Variants in HOXD12 observed in about 807,000 individuals in gnomAD.
HOXD12 encodes the protein homeobox protein Hox-D12.
HOXD12 carries 21 observed loss-of-function variants against 20.2 expected under a neutral mutation model. The observed-to-expected ratio is 1.04, with a 90% CI of 0.74 to 1.50. The LOEUF is 1.50. HOXD12 is among the 40% of genes most tolerant of loss of function. The pLI, the probability that HOXD12 is intolerant of heterozygous loss-of-function variation, is 0.00. For missense variants in HOXD12, 472 were observed against 365.5 expected (o/e 1.29, Z -2.38); for synonymous variants, 196 against 168.8 (o/e 1.16, Z -1.25).
rs1482318409 is a variant in HOXD12, at chr2:176,101,069, TC to T, written c.*313del. 2.1e-6 allele frequency: 1 copy of T among 478,618 alleles called. No homozygotes were observed. The highest frequency in any genetic ancestry group is 3.8e-5 in the East Asian group (1 of 26,126). The allele number at this position is 478,618 out of a possible 1,614,324, so 29.6% of individuals were successfully genotyped here. ...ATTTGCACCCACCGCTCATTCTTGCTCCCCGGTACCTGGATTTTTCTGTTTC... is the reference window on the plus strand; with the variant it reads ...ATTTGCACCCACCGCTCATTCTTGCTCCCGGTACCTGGATTTTTCTGTTTC... On this transcript the variant is annotated 3_prime_UTR_variant, in exon 2 of 2. Transcript: ENST00000406506.
chr2:176,099,985 C>A lies in HOXD12; in HGVS notation c.184C>A (p.Gln62Lys). The A allele has an allele frequency of 6.4e-7, 1 of 1,573,504 alleles. No homozygotes were observed. Among genetic ancestry groups the A allele is most frequent in the East Asian group, 2.3e-5 (1 of 42,970 alleles). ...AATPASCAPA[Q>K]PAGATAFGGF... ...CACGCCCGCCTCCTGCGCCCCCGCG[C>A]AGCCTGCGGGCGCCACTGCCTTCGG... Residue 62 changes from glutamine to lysine, a missense_variant, in exon 1 of 2, where the codon CAG becomes AAG. By Grantham distance (53) the Gln-to-Lys change is moderately conservative. Coordinates refer to ENST00000406506, the MANE Select transcript of HOXD12 (RefSeq NM_021193.4).
In HOXD12 at chr2:176,102,096, T is replaced by G. The variant is rs775023931; in HGVS notation, c.*1336T>G. 6.6e-6 allele frequency among the ~76,000 whole-genome samples: 1 copy of G among 152,178 alleles called. No homozygotes were observed. The highest frequency in any genetic ancestry group is 1.5e-5 in the Non-Finnish European group (1 of 68,032). On this transcript the variant is annotated 3_prime_UTR_variant, in exon 2 of 2. Transcript: ENST00000406506. ...GAGTTGTTCTGGGTGTACTGGAGTG[T>G]CCCGCCTTAATCTCAGTGAACCAAG...
At position 176,100,750 on chromosome 2, in the gene HOXD12, C is replaced by A. The variant is rs757138560; in HGVS notation, c.803C>A (p.Ala268Glu). ...GTGGTGCTTCGGGAGCAGGCGCTGGCGCTCTACTAGCCGCGCGCGTGGCCA... is the reference window on the plus strand; with the variant it reads ...GTGGTGCTTCGGGAGCAGGCGCTGGAGCTCTACTAGCCGCGCGCGTGGCCA... Reference protein sequence around the residue: ...KRVVLREQALALY With the variant: ...KRVVLREQALELY Residue 268 changes from alanine (A) to glutamate (E), a missense_variant, in exon 2 of 2, where the codon GCG becomes GAG. Ala to Glu is a moderately radical substitution (Grantham distance 107, BLOSUM62 -1). Transcript: ENST00000406506. 1 of 1,611,662 alleles carries A rather than the reference C, an allele frequency of 6.2e-7. No individual in the cohort carries two copies. The highest frequency in any genetic ancestry group is 2.2e-5 in the East Asian group (1 of 44,834).
rs1457617506 is a variant in HOXD12, at chr2:176,101,405, GAT to G, written c.*648_*649del. ...GGCTGGGTAGTGGGGTAAACTTGGA[GAT>G]ATCTCGAAATGAGAAATGCGAAATA... On this transcript the variant is annotated 3_prime_UTR_variant, in exon 2 of 2. Transcript: ENST00000406506. Among the ~76,000 whole-genome samples the G allele has an allele frequency of 1.3e-5, 2 of 151,742 alleles. No individual in the cohort carries two copies. The highest frequency in any genetic ancestry group is 4.8e-5 in the African/African-American group (2 of 41,274).
chr2:176,100,770 T>C lies in HOXD12; in HGVS notation c.*10T>C. 1 of 1,597,552 alleles carries C rather than the reference T, an allele frequency of 6.3e-7. No homozygotes were observed. The highest frequency in any genetic ancestry group is 8.6e-7 in the Non-Finnish European group (1 of 1,166,388). On this transcript the variant is annotated 3_prime_UTR_variant, in exon 2 of 2. Transcript: ENST00000406506. Reference sequence around the variant, plus strand: ...GCTGGCGCTCTACTAGCCGCGCGCGTGGCCAGGGCCGGGTTGGATCTGCCC... The same window carrying C: ...GCTGGCGCTCTACTAGCCGCGCGCGCGGCCAGGGCCGGGTTGGATCTGCCC...
chr2:176,100,539 G>A lies in HOXD12; in HGVS notation c.592G>A (p.Ala198Thr). 1.2e-6 allele frequency: 2 copies of A among 1,606,778 alleles called. No homozygotes were observed. Among genetic ancestry groups the A allele is most frequent in the Non-Finnish European group, 1.7e-6 (2 of 1,176,654 alleles). Residue 198 changes from alanine to threonine, a missense_variant, in exon 2 of 2, where the codon GCC (alanine) becomes ACC (threonine). Coordinates refer to ENST00000406506, the MANE Select transcript of HOXD12 (RefSeq NM_021193.4). The part of the protein sequence containing the change: ...SLPDGLPWGA[A>T]PGRARKKRKP... ...TGTTGCAGGCCTGCCGTGGGGGGCG[G>A]CCCCGGGGAGGGCCCGCAAGAAGCG...
Position 176,100,698 on chromosome 2 carries a change from C to A in HOXD12, c.751C>A (p.Gln251Lys), listed in dbSNP as rs1291502828. 2 of 1,614,026 alleles carry A rather than the reference C, an allele frequency of 1.2e-6. No homozygotes were observed. The highest frequency in any genetic ancestry group is 1.7e-6 in the Non-Finnish European group (2 of 1,179,884). Residue 251 changes from glutamine (Q) to lysine (K), a missense_variant, in exon 2 of 2, where the codon CAG becomes AAG. By Grantham distance (53) the Gln-to-Lys change is moderately conservative (BLOSUM62 1). Coordinates refer to ENST00000406506, the MANE Select transcript of HOXD12 (RefSeq NM_021193.4). ...CGACCAGCAAGTCAAAATCTGGTTC[C>A]AGAACAGGCGTATGAAGAAGAAGCG... Reference protein sequence around the residue: ...LSDQQVKIWFQNRRMKKKRVV... With the variant: ...LSDQQVKIWFKNRRMKKKRVV...
Position 176,100,351 on chromosome 2 carries a change from T to A in HOXD12, c.550T>A (p.Cys184Ser). The change falls in exon 1 of 2, where the codon TGC becomes AGC. Residue 184 changes from cysteine (C) to serine (S), a missense_variant. Coordinates refer to ENST00000406506, the MANE Select transcript of HOXD12 (RefSeq NM_021193.4). ...AGTGCAGGCGGCGGGCGTTGCCTCT[T>A]GCCTGCGACCTTCACTGCCCGACGG... ...MTVQAAGVAS[C>S]LRPSLPDGLP... 4.3e-6 allele frequency: 7 copies of A among 1,612,584 alleles called. No individual in the cohort carries two copies. In the Middle Eastern group the frequency reaches 1.2e-3, roughly 266 times the overall value.
chr2:176,100,401 C>A (rs1689477344), intron 1 of HOXD12, 26 bp downstream of exon 1: 1 of 1,610,578 alleles, frequency 6.2e-7, no homozygotes, highest in Non-Finnish European at 8.5e-7. Flanking sequence ...GCTCCCCGGG[C>A]CGGTTTGGGC....
Position 176,102,438 on chromosome 2 carries a change from C to A in HOXD12, c.*1678C>A, listed in dbSNP as rs1689511326. 3.3e-5 allele frequency among the ~76,000 whole-genome samples: 5 copies of A among 152,302 alleles called. No individual in the cohort carries two copies. The highest frequency in any genetic ancestry group is 4.1e-4 in the South Asian group (2 of 4,828). On this transcript the variant is annotated 3_prime_UTR_variant, in exon 2 of 2. Transcript: ENST00000406506. ...AAAACAGTAGCTTGTATATATCAGA[C>A]ACAATATATACAAATGTTTTGAGTG... is the stretch of plus-strand genomic sequence containing the variant.
At position 176,100,055 on chromosome 2, in the gene HOXD12, T is replaced by C. The variant is rs763537852; in HGVS notation, c.254T>C (p.Leu85Pro). 6.9e-6 allele frequency: 11 copies of C among 1,586,022 alleles called. No homozygotes were observed. The highest frequency in any genetic ancestry group is 3.3e-4 in the Middle Eastern group (2 of 6,046). ...CTGGCTGGCTCCGGGCCTCTCGGCC[T>C]GCAGCCCCCAACAGCCAAAGACGGA... Reference protein sequence around the residue: ...PYLAGSGPLGLQPPTAKDGPE... With the variant: ...PYLAGSGPLGPQPPTAKDGPE... Residue 85 changes from leucine (L) to proline (P), a missense_variant, in exon 1 of 2, where the codon CTG becomes CCG. Leu to Pro is a moderately conservative substitution (Grantham distance 98). Coordinates refer to ENST00000406506, the MANE Select transcript of HOXD12 (RefSeq NM_021193.4).
chr2:176,099,972 C>G lies in HOXD12; in HGVS notation c.171C>G (p.Ser57=). 1 of 1,598,028 alleles carries G rather than the reference C, an allele frequency of 6.3e-7. No individual in the cohort carries two copies. The highest frequency in any genetic ancestry group is 8.5e-7 in the Non-Finnish European group (1 of 1,173,420). Reference sequence around the variant, plus strand: ...TGCCCTGGGCCGCCACGCCCGCCTCCTGCGCCCCCGCGCAGCCTGCGGGCG... The same window carrying G: ...TGCCCTGGGCCGCCACGCCCGCCTCGTGCGCCCCCGCGCAGCCTGCGGGCG... ...GALPWAATPA[S]CAPAQPAGAT... is the part of the protein sequence containing the mutation. Residue 57 remains serine (S), a synonymous_variant, in exon 1 of 2, where the codon TCC becomes TCG. Transcript: ENST00000406506.
rs1478745415 is a variant in HOXD12, at chr2:176,099,856, C to T, written c.55C>T (p.Gln19Ter). 2 of 1,572,502 alleles carry T rather than the reference C, an allele frequency of 1.3e-6. No individual in the cohort carries two copies. The highest frequency in any genetic ancestry group is 2.4e-5 in the East Asian group (1 of 42,060). The change falls in exon 1 of 2, where the codon CAG becomes TAG. Residue 19 changes from glutamine (Q) to a stop codon, truncating the protein, a stop_gained. Coordinates refer to ENST00000406506, the MANE Select transcript of HOXD12 (RefSeq NM_021193.4). LOFTEE classifies it high-confidence loss of function. ...CTATGTGGGCTCGCTTCTGAATCTG[C>T]AGTCGCCAGACTCTTTCTACTTCTC... ...AGYVGSLLNL[Q>*]SPDSFYFSNL...
rs775585976 is a variant in HOXD12 at position 176,100,583 on chromosome 2, G to A, written c.636G>A (p.Gln212=). 2.1e-5 allele frequency: 34 copies of A among 1,612,590 alleles called. No individual in the cohort carries two copies. The highest frequency in any genetic ancestry group is 2.7e-5 in the Non-Finnish European group (32 of 1,179,322). ...ARKKRKPYTK[Q]QIAELENEFL... The stretch of plus-strand genomic sequence containing the variant: ...AGAAGCGGAAACCCTACACGAAGCA[G>A]CAGATTGCGGAGTTGGAGAACGAAT... Residue 212 remains glutamine, a synonymous_variant, in exon 2 of 2, where the codon CAG becomes CAA. Coordinates refer to ENST00000406506, the MANE Select transcript of HOXD12 (RefSeq NM_021193.4).
rs1415388455 is a variant in HOXD12 at position 176,102,347 on chromosome 2, T to C, written c.*1587T>C. ...TTAGCCCAACTGACTTCAGTTGATA[T>C]TTAAACTAATTTCATTTTCTAGGCT... On this transcript the variant is annotated 3_prime_UTR_variant, in exon 2 of 2. Coordinates refer to ENST00000406506, the MANE Select transcript of HOXD12 (RefSeq NM_021193.4). Among the ~76,000 whole-genome samples the C allele has an allele frequency of 6.6e-6, 1 of 152,212 alleles. No individual in the cohort carries two copies. Among genetic ancestry groups the C allele is most frequent in the East Asian group, 1.9e-4 (1 of 5,196 alleles).
rs549536453 is a variant in HOXD12, at chr2:176,100,917, C to T, written c.*157C>T. On this transcript the variant is annotated 3_prime_UTR_variant, in exon 2 of 2. Transcript: ENST00000406506. Reference sequence around the variant, plus strand: ...GATTTACAGACCAGGCCAGTTGGGCCTCCTTGCTTTCCTCAGTCCCTGAGA... The same window carrying T: ...GATTTACAGACCAGGCCAGTTGGGCTTCCTTGCTTTCCTCAGTCCCTGAGA... The T allele has an allele frequency of 9.7e-6, 6 of 619,406 alleles. No individual in the cohort carries two copies. In the South Asian group the frequency reaches 1.2e-4, roughly 12 times the overall value. 38.4% of individuals were successfully genotyped at this position (619,406 alleles called of 1,614,324 possible). A position where few individuals can be genotyped will look rare whatever the true frequency, so the allele number is the denominator to read the frequency against.
rs920253189 is a variant in HOXD12, at chr2:176,101,731, A to T, written c.*971A>T. 6.6e-6 allele frequency among the ~76,000 whole-genome samples: 1 copy of T among 152,222 alleles called. No individual in the cohort carries two copies. Among genetic ancestry groups the T allele is most frequent in the African/African-American group, 2.4e-5 (1 of 41,444 alleles). ...AGAGGAGGAGGGGTGCTGCACTCCA[A>T]CTGTAAATATGGCTTTCCAGTTGAG... On this transcript the variant is annotated 3_prime_UTR_variant, in exon 2 of 2. Coordinates refer to ENST00000406506, the MANE Select transcript of HOXD12 (RefSeq NM_021193.4).
At position 176,099,833 on chromosome 2, in the gene HOXD12, A is replaced by G. The variant is rs372974678; in HGVS notation, c.32A>G (p.Tyr11Cys). Residue 11 changes from tyrosine to cysteine, a missense_variant, in exon 1 of 2, where the codon TAT (tyrosine) becomes TGT (cysteine). Coordinates refer to ENST00000406506, the MANE Select transcript of HOXD12 (RefSeq NM_021193.4). MCERSLYRAG[Y>C]VGSLLNLQSP... Reference sequence around the variant, plus strand: ...GAGCGCAGTCTCTACAGAGCGGGCTATGTGGGCTCGCTTCTGAATCTGCAG... The same window carrying G: ...GAGCGCAGTCTCTACAGAGCGGGCTGTGTGGGCTCGCTTCTGAATCTGCAG... The G allele has an allele frequency of 2.3e-5, 35 of 1,546,500 alleles. No individual in the cohort carries two copies. The highest frequency in any genetic ancestry group is 2.9e-5 in the Non-Finnish European group (34 of 1,153,362).
intron 1 of HOXD12, 70 bp downstream of exon 1, chr2:176,100,445 A>C: frequency 6.3e-7 from 1 of 1,595,346 alleles, no homozygotes; most frequent in Non-Finnish European, 8.6e-7. Context: ...GGAGAGTGTA[A>C]GGGGAGGTGA....
Sources: allele counts gnomAD v4.1 joint callset (sites outside exome capture counted in the v4.1 genomes callset), GRCh38; gene constraint gnomAD v4.1.1; transcripts MANE v1.5; gene names NCBI Gene and HGNC (gene_info 2026-07-23, HGNC 2026-07-21).